MGRN1: variants seen among roughly 807,000 people sequenced by gnomAD.
The protein encoded by MGRN1 is E3 ubiquitin-protein ligase MGRN1.
In MGRN1, 29 loss-of-function variants were observed where a neutral mutation model predicts 69.2. That is an observed-to-expected ratio of 0.42 (90% CI 0.31 to 0.57). The LOEUF is 0.57. Among genes scored for constraint, MGRN1 ranks in the 20% least tolerant of loss-of-function variants. MGRN1 has a pLI of 0.15. For missense variants in MGRN1, 998 were observed against 796.2 expected (o/e 1.25, Z -3.05); for synonymous variants, 470 against 344.2 (o/e 1.37, Z -4.04).
At position 4,669,431 on chromosome 16, in the gene MGRN1, C is replaced by CAAAAAAAAAAAAAAAAAAAAA. The variant is rs58001283; in HGVS notation, c.726+1136_726+1137insAAAAAAAAAAAAAAAAAAAAA. On this transcript the variant is annotated intron_variant, in intron 8 of 16. Transcript: ENST00000262370. ...CCTGGGTGACAGAGGAAGACTGTGTCAAAAAAAAAAAAAAAAAGCTGTGCA... is the reference window on the plus strand; with the variant it reads ...CCTGGGTGACAGAGGAAGACTGTGTCAAAAAAAAAAAAAAAAAAAAAAAAAAAAAAAAAAAAAAGCTGTGCA... Among the ~76,000 whole-genome samples, 7 of 92,994 alleles carry CAAAAAAAAAAAAAAAAAAAAA rather than the reference C, an allele frequency of 7.5e-5. 2 individuals carry two copies. The highest frequency in any genetic ancestry group is 2.4e-4 in the Admixed American group (2 of 8,418). 61.0% of individuals were successfully genotyped at this position (92,994 alleles called of 152,430 possible).
Position 4,682,948 on chromosome 16 carries a change from T to TGAGGCCCCCCCGGGGAAGCTTTGC in MGRN1, c.1482+4_1482+27dup. On this transcript the variant is annotated splice_region_variant and intron_variant, in intron 14 of 16. Transcript: ENST00000262370. Reference sequence around the variant, plus strand: ...CTGCGGGAAAGCAGCTCCCCTGAGGTGAGGCCCCCCCGGGGAAGCTTTGCG... The same window carrying TGAGGCCCCCCCGGGGAAGCTTTGC: ...CTGCGGGAAAGCAGCTCCCCTGAGGTGAGGCCCCCCCGGGGAAGCTTTGCGAGGCCCCCCCGGGGAAGCTTTGCG... 1 of 1,562,918 alleles carries TGAGGCCCCCCCGGGGAAGCTTTGC rather than the reference T, an allele frequency of 6.4e-7. No individual in the cohort carries two copies. The highest frequency in any genetic ancestry group is 8.7e-7 in the Non-Finnish European group (1 of 1,151,950).
At chr16:4,660,307 G>C (rs1004238368) in intron 5 of MGRN1, among the ~76,000 whole-genome samples, 1 of 152,242 alleles carries the variant, frequency 6.6e-6, no homozygotes, top group Non-Finnish European at 1.5e-5. Flanking sequence ...GGGTGGCCAC[G>C]AGGGGTCCGT....
At chr16:4,655,754 C>T (rs548583560) in intron 4 of MGRN1, among the ~76,000 whole-genome samples, 11 of 152,186 alleles carry the variant, frequency 7.2e-5, no homozygotes, top group Non-Finnish European at 1.5e-4. Context: ...TGTGCCCAGG[C>T]ACCCGGACAC....
At chr16:4,640,755 C>G (rs916727473) in intron 1 of MGRN1, 4 of 152,216 alleles carry the variant, frequency 2.6e-5, no homozygotes, top group Non-Finnish European at 4.4e-5. Flanking sequence ...TGAACAGTGC[C>G]CATTGTCACT....
chr16:4,688,675 C>T (rs956798302), intron 16 of MGRN1, 121 bp from the exon 17 acceptor site: 4 of 1,445,458 alleles, frequency 2.8e-6, no homozygotes, highest in Middle Eastern at 2.1e-4. Flanking sequence ...GTTGTGGCCA[C>T]AGGCGGCGGG....
At chr16:4,673,443 G>GA in intron 9 of MGRN1, 55 bp from the exon 10 acceptor site, 5 of 1,584,574 alleles carry the variant, frequency 3.2e-6, no homozygotes, top group Non-Finnish European at 4.3e-6. Flanking sequence ...CAGGAAGCAG[G>GA]AGCCGTACTC....
At chr16:4,687,903 C>G (rs909124872) in intron 16 of MGRN1, 2 of 985,444 alleles carry the variant, frequency 2.0e-6, no homozygotes, top group African/African-American at 3.5e-5. Context: ...GACCCCTGTC[C>G]TGAGCCATTA....
At chr16:4,648,115 C>T (rs141358213) in intron 1 of MGRN1, among the ~76,000 whole-genome samples, 1 of 152,112 alleles carries the variant, frequency 6.6e-6, no homozygotes, top group Admixed American at 6.5e-5. Context: ...GATTCTGGGG[C>T]CCCCAGTGGG....
intron 1 of MGRN1, among the ~76,000 whole-genome samples, chr16:4,641,614 G>C (rs2141851019): frequency 6.6e-6 from 1 of 151,506 alleles, no homozygotes; most frequent in African/African-American, 2.4e-5. Flanking sequence ...TGCCTCCCAG[G>C]TTCAAGTGAT....
intron 1 of MGRN1, among the ~76,000 whole-genome samples, chr16:4,637,244 A>G (rs1459072109): frequency 6.6e-6 from 1 of 151,992 alleles, no homozygotes; most frequent in East Asian, 1.9e-4. Flanking sequence ...AGCCCGGCCA[A>G]CATGGTGAAA....
chr16:4,677,660 G>A (rs892252816), intron 11 of MGRN1, 88 bp downstream of exon 11: 2 of 1,277,480 alleles, frequency 1.6e-6, no homozygotes, highest in African/African-American at 2.9e-5. Flanking sequence ...CCAGCCAGCA[G>A]CCCCGTGTTC....
intron 1 of MGRN1, among the ~76,000 whole-genome samples, chr16:4,626,165 G>A (rs556417533): frequency 6.6e-6 from 1 of 152,364 alleles, no homozygotes; most frequent in East Asian, 1.9e-4. Context: ...AGGGCCTGGG[G>A]CCACTGGGAT....
chr16:4,657,341 T>C lies in MGRN1; in HGVS notation c.539T>C (p.Phe180Ser). Residue 180 changes from phenylalanine (F) to serine (S), a missense_variant, in exon 5 of 17, where the codon TTC (phenylalanine) becomes TCC (serine). Phe to Ser is a radical substitution (Grantham distance 155). Coordinates refer to ENST00000262370, the MANE Select transcript of MGRN1 (RefSeq NM_015246.4). ...QFSLPSFKIDFSEWKDDELNF... is the reference protein window; with the variant it reads ...QFSLPSFKIDSSEWKDDELNF... ...TCCCTGCCCTCCTTCAAGATTGACT[T>C]CTCGGAATGGAAGGATGACGAGGTA... is the stretch of plus-strand genomic sequence containing the variant. The C allele has an allele frequency of 6.2e-7, 1 of 1,614,072 alleles. No individual in the cohort carries two copies. The highest frequency in any genetic ancestry group is 8.5e-7 in the Non-Finnish European group (1 of 1,179,924).
At position 4,677,470 on chromosome 16, in the gene MGRN1, G is replaced by A. The variant is rs375956985; in HGVS notation, c.963G>A (p.Arg321=). ...GCCCTCCTTCTGCCGCAGCTTTCCGGGCCCTCCTGCAGATCCGGGCGGTGC... is the reference window on the plus strand; with the variant it reads ...GCCCTCCTTCTGCCGCAGCTTTCCGAGCCCTCCTGCAGATCCGGGCGGTGC... ...NNCPICRLPF[R]ALLQIRAVRK... Residue 321 remains arginine, a synonymous_variant, in exon 11 of 17, where the codon CGG becomes CGA. Coordinates refer to ENST00000262370, the MANE Select transcript of MGRN1 (RefSeq NM_015246.4). 376 of 1,559,582 alleles carry A rather than the reference G, an allele frequency of 2.4e-4. No individual in the cohort carries two copies. The highest frequency in any genetic ancestry group is 3.1e-4 in the Non-Finnish European group (356 of 1,156,256).
chr16:4,628,668 C>G (rs914341059), intron 1 of MGRN1, among the ~76,000 whole-genome samples: 1 of 152,094 alleles, frequency 6.6e-6, no homozygotes, highest in Non-Finnish European at 1.5e-5. Context: ...TTTCAGCCTC[C>G]TGAGTAGCTT....
At chr16:4,661,051 AG>A (rs1229579135) in intron 5 of MGRN1, among the ~76,000 whole-genome samples, 2 of 151,998 alleles carry the variant, frequency 1.3e-5, no homozygotes, top group Non-Finnish European at 2.9e-5. Context: ...GCACAATCAC[AG>A]CTTGCCGCAG....
chr16:4,632,007 C>CTTTTTTTTTTTTTT (rs869090061), intron 1 of MGRN1, among the ~76,000 whole-genome samples: 3 of 64,858 alleles, frequency 4.6e-5, no homozygotes, highest in African/African-American at 6.9e-5. Context: ...AAAAAATTTC[C>CTTTTTTTTTTTTTT]TTTTTTTTTT....
At chr16:4,629,963 T>A (rs1402923112) in intron 1 of MGRN1, among the ~76,000 whole-genome samples, 1 of 151,178 alleles carries the variant, frequency 6.6e-6, no homozygotes, top group Admixed American at 6.6e-5. Context: ...GGAGAATTGC[T>A]TGAACCTGGG....
chr16:4,635,350 G>C (rs1322249698), intron 1 of MGRN1, among the ~76,000 whole-genome samples: 3 of 152,186 alleles, frequency 2.0e-5, no homozygotes, highest in African/African-American at 7.2e-5. Flanking sequence ...CCAGGAGGTG[G>C]AGTTCACAGT....
Sources: allele counts gnomAD v4.1 joint callset (sites outside exome capture counted in the v4.1 genomes callset), GRCh38; gene constraint gnomAD v4.1.1; transcripts MANE v1.5; gene names NCBI Gene and HGNC (gene_info 2026-07-23, HGNC 2026-07-21).